DCDC2C: variants seen among roughly 807,000 people sequenced by gnomAD.
DCDC2C encodes doublecortin domain containing 2C, also known as doublecortin domain-containing protein 2C.
Under a neutral mutation model 45.0 loss-of-function variants are expected in DCDC2C, and 44 were observed. The observed-to-expected ratio is 0.98, with a 90% CI of 0.77 to 1.26. The LOEUF (loss-of-function observed/expected upper bound fraction) is 1.26, where lower values mean the gene tolerates loss of function less well. Ranked by LOEUF, DCDC2C falls within the 50% of genes most tolerant of loss-of-function variation. The probability of loss-of-function intolerance (pLI) is 0.00; values close to 1 mark genes in which losing one functional copy is unlikely to be tolerated. For synonymous variants in DCDC2C, 187 were observed against 178.8 expected, an observed-to-expected ratio of 1.05 and a Z score of -0.37; for missense variants, 447 against 468.9, an observed-to-expected ratio of 0.95 and a Z score of 0.43.
chr2:3,807,360 C>G (rs1273509988), intron 10 of DCDC2C, among the ~76,000 whole-genome samples: 1 of 152,146 alleles, frequency 6.6e-6, no homozygotes, highest in Non-Finnish European at 1.5e-5. Flanking sequence ...AGGCAGGGGG[C>G]TGGAGGTGTA....
chr2:3,798,034 C>A (rs1399887471), intron 10 of DCDC2C, among the ~76,000 whole-genome samples: 1 of 151,944 alleles, frequency 6.6e-6, no homozygotes, highest in Non-Finnish European at 1.5e-5. Flanking sequence ...TCAGGACTTG[C>A]TTTATGAATC....
At position 3,804,248 on chromosome 2, in the gene DCDC2C, T is replaced by A. The variant is rs570581970; in HGVS notation, c.1065+19148T>A. ...ATTTGCAGGAAGTTTAAAACCAGGA[T>A]CTGGATCTCTTTAGTTTTCAGCCTC... On this transcript the variant is annotated intron_variant, in intron 10 of 10. Coordinates refer to ENST00000399143, the MANE Select transcript of DCDC2C (RefSeq NM_001287444.2). 7.9e-5 allele frequency among the ~76,000 whole-genome samples: 12 copies of A among 152,328 alleles called. No homozygotes were observed. In the South Asian group the frequency reaches 2.3e-3, roughly 29 times the overall value.
intron 10 of DCDC2C, among the ~76,000 whole-genome samples, chr2:3,805,658 C>A (rs182493525): frequency 6.0e-4 from 92 of 152,234 alleles, no homozygotes; most frequent in African/African-American, 2.1e-3. Context: ...TTCGCAAATA[C>A]GTTTTTAGTG....
At chr2:3,831,986 G>A (rs1399377136) in intron 10 of DCDC2C, among the ~76,000 whole-genome samples, 1 of 152,204 alleles carries the variant, frequency 6.6e-6, no homozygotes, top group Non-Finnish European at 1.5e-5. Flanking sequence ...GTTGCGTCAT[G>A]TGCAGGAATC....
At chr2:3,817,262 G>A (rs887944551) in intron 10 of DCDC2C, among the ~76,000 whole-genome samples, 16 of 152,164 alleles carry the variant, frequency 1.1e-4, no homozygotes, top group African/African-American at 2.9e-4. Flanking sequence ...GAAGTAAAGC[G>A]GCCTTGAGAA....
In DCDC2C at chr2:3,750,906, GTTTC is replaced by G. The variant is rs199855825; in HGVS notation, c.546-1850_546-1847del. Among the ~76,000 whole-genome samples the G allele has an allele frequency of 8.5e-4, 130 of 152,186 alleles. 1 individual carries two copies. The East Asian group carries it at 0.024, about 28-fold the overall frequency. ...TCTCAGCTCTTCTTCTGCAGATCCT[GTTTC>G]TTTCTTCCTCCCTGCTTTCCTCTAA... On this transcript the variant is annotated intron_variant, in intron 4 of 10. Transcript: ENST00000399143.
intron 6 of DCDC2C, 70 bp from the exon 7 acceptor site, chr2:3,767,684 A>G: frequency 6.6e-7 from 1 of 1,522,838 alleles, no homozygotes; most frequent in East Asian, 2.5e-5. Flanking sequence ...GACCACACCC[A>G]GAGAACCTGA....
rs1274364983 is a variant in DCDC2C at position 3,734,863 on chromosome 2, G to A, written c.417-7057G>A. Among the ~76,000 whole-genome samples the A allele has an allele frequency of 2.0e-5, 3 of 152,148 alleles. No homozygotes were observed. Among genetic ancestry groups the A allele is most frequent in the African/African-American group, 4.8e-5 (2 of 41,416 alleles). On this transcript the variant is annotated intron_variant, in intron 3 of 10. Coordinates refer to ENST00000399143, the MANE Select transcript of DCDC2C (RefSeq NM_001287444.2). This position sits in a 1 kb window ranked among gnomAD's most constrained non-coding sequence, Gnocchi z 4.2. ...TTCAAGGTGGGGGTGAAAGTACAGA[G>A]CCCTTCAGGTTCATGAAAGTGTCTT...
chr2:3,711,671 T>C (rs960766831), intron 2 of DCDC2C, among the ~76,000 whole-genome samples: 1 of 152,184 alleles, frequency 6.6e-6, no homozygotes, highest in Admixed American at 6.5e-5. Flanking sequence ...ATTATGTAGC[T>C]CATCCTCTTT....
chr2:3,781,208 T>A (rs1670498790), intron 9 of DCDC2C, among the ~76,000 whole-genome samples: 1 of 152,274 alleles, frequency 6.6e-6, no homozygotes, highest in African/African-American at 2.4e-5. Context: ...GAAGCAGGAC[T>A]CAATTAGCCC....
intron 3 of DCDC2C, among the ~76,000 whole-genome samples, chr2:3,731,766 A>G (rs184795903): frequency 1.1e-3 from 175 of 152,306 alleles, no homozygotes; most frequent in Non-Finnish European, 2.1e-3. Flanking sequence ...TCCCACAGAC[A>G]GGCTATGTCT....
intron 3 of DCDC2C, among the ~76,000 whole-genome samples, chr2:3,738,537 TGG>T (rs67295428): frequency 1.1e-4 from 5 of 46,582 alleles, no homozygotes; most frequent in South Asian, 1.2e-3. Context: ...CTGGTCTATC[TGG>T]GAAAAAAAAA....
chr2:3,720,366 C>T (rs1000242083), intron 2 of DCDC2C, among the ~76,000 whole-genome samples: 2 of 149,176 alleles, frequency 1.3e-5, no homozygotes, highest in African/African-American at 5.2e-5. Flanking sequence ...CTCACTAAAG[C>T]CTGCACTCTC....
chr2:3,847,958 A>G lies in DCDC2C; in HGVS notation c.*775A>G, dbSNP rs1429276757. 6.6e-6 allele frequency among the ~76,000 whole-genome samples: 1 copy of G among 152,172 alleles called. No homozygotes were observed. Among genetic ancestry groups the G allele is most frequent in the Non-Finnish European group, 1.5e-5 (1 of 68,028 alleles). ...TGAGGCCTCCCAAGCCATGCCTCCT[A>G]TACAGCCTGCAGAACTGTGAGCCAA... On this transcript the variant is annotated 3_prime_UTR_variant, in exon 11 of 11. Transcript: ENST00000399143.
intron 1 of DCDC2C, chr2:3,704,255 C>A (rs1237988159): frequency 4.9e-6 from 2 of 407,068 alleles, no homozygotes; most frequent in Admixed American, 9.0e-5. Context: ...CCCAGGGTCC[C>A]TTCCTATGGG....
intron 9 of DCDC2C, among the ~76,000 whole-genome samples, chr2:3,781,368 G>T (rs1016565936): frequency 2.6e-5 from 4 of 152,174 alleles, no homozygotes; most frequent in African/African-American, 9.7e-5. Flanking sequence ...ATGATTGCCG[G>T]CTTGACCTCC....
intron 10 of DCDC2C, among the ~76,000 whole-genome samples, chr2:3,836,877 G>C (rs1237749382): frequency 1.8e-5 from 2 of 108,752 alleles, no homozygotes; most frequent in African/African-American, 3.3e-5. Context: ...AAAAAAAAAA[G>C]AGTACACTGG....
chr2:3,709,098 AC>A, intron 2 of DCDC2C, among the ~76,000 whole-genome samples: 1 of 152,322 alleles, frequency 6.6e-6, no homozygotes, highest in East Asian at 1.9e-4. Flanking sequence ...GTTTAAAGAG[AC>A]ATGCCTTTTT....
At chr2:3,817,496 G>A (rs1299329922) in intron 10 of DCDC2C, among the ~76,000 whole-genome samples, 1 of 152,192 alleles carries the variant, frequency 6.6e-6, no homozygotes, top group Non-Finnish European at 1.5e-5. Flanking sequence ...TGCATCAGGT[G>A]TGAGGAAGAA....
Sources: allele counts gnomAD v4.1 joint callset (sites outside exome capture counted in the v4.1 genomes callset), GRCh38; gene constraint gnomAD v4.1.1; non-coding constraint Gnocchi (gnomAD v3.1); transcripts MANE v1.5; gene names NCBI Gene and HGNC (gene_info 2026-07-23, HGNC 2026-07-21).